Variants in SMYD3 observed in about 807,000 individuals in gnomAD.
SMYD3 encodes SET and MYND domain containing 3.
In SMYD3, 36 loss-of-function variants were observed where a neutral mutation model predicts 57.7. That is an observed-to-expected ratio of 0.62 (90% CI 0.48 to 0.82). The LOEUF is 0.82. SMYD3 is among the 40% of genes least tolerant of loss of function. The pLI, the probability that SMYD3 is intolerant of heterozygous loss-of-function variation, is 0.00. For synonymous variants in SMYD3, 211 were observed against 195.0 expected, an observed-to-expected ratio of 1.08 and a Z score of -0.68; for missense variants, 515 against 538.8, an observed-to-expected ratio of 0.96 and a Z score of 0.44.
intron 5 of SMYD3, among the ~76,000 whole-genome samples, chr1:246,043,411 A>G (rs2059911165): frequency 6.6e-6 from 1 of 152,222 alleles, no homozygotes; most frequent in Non-Finnish European, 1.5e-5. Context: ...AAAAAAGCAA[A>G]ATTAAGTCCT....
intron 10 of SMYD3, among the ~76,000 whole-genome samples, chr1:245,851,001 G>C (rs1028672935): frequency 1.3e-5 from 2 of 151,426 alleles, no homozygotes; most frequent in Non-Finnish European, 2.9e-5. Context: ...GGAAATCAGA[G>C]GCACTAGATT....
At chr1:246,014,060 C>G (rs2059332531) in intron 5 of SMYD3, among the ~76,000 whole-genome samples, 1 of 152,342 alleles carries the variant, frequency 6.6e-6, no homozygotes, top group Middle Eastern at 3.4e-3. Flanking sequence ...CGTGGTGGCT[C>G]ACGCCTGTAA....
At chr1:246,414,692 G>GA (rs1016864942) in intron 1 of SMYD3, among the ~76,000 whole-genome samples, 1 of 149,226 alleles carries the variant, frequency 6.7e-6, no homozygotes, top group African/African-American at 2.5e-5. Context: ...CCAGGAAACT[G>GA]AAGCCAGTTT....
At chr1:246,495,829 G>A (rs1316144539) in intron 1 of SMYD3, among the ~76,000 whole-genome samples, 1 of 151,810 alleles carries the variant, frequency 6.6e-6, no homozygotes, top group Non-Finnish European at 1.5e-5. Flanking sequence ...GCACGCATCT[G>A]TGGTCCCAGC....
intron 1 of SMYD3, among the ~76,000 whole-genome samples, chr1:246,496,074 G>GATA (rs1558491443): frequency 3.9e-5 from 6 of 151,910 alleles, no homozygotes; most frequent in African/African-American, 1.5e-4. Flanking sequence ...GTCTCACTCT[G>GATA]TCGCCAGGCT....
chr1:246,253,071 T>C (rs1376925337), intron 5 of SMYD3, among the ~76,000 whole-genome samples: 1 of 152,206 alleles, frequency 6.6e-6, no homozygotes, highest in East Asian at 1.9e-4. Context: ...TGAAAATATG[T>C]GCCTGAAACT....
At chr1:245,918,549 G>T (rs1291345286) in intron 7 of SMYD3, among the ~76,000 whole-genome samples, 1 of 152,144 alleles carries the variant, frequency 6.6e-6, no homozygotes, top group African/African-American at 2.4e-5. Flanking sequence ...CTGAAGCCAG[G>T]GTTGCCTCTG....
chr1:246,284,117 C>A (rs1256771960), intron 5 of SMYD3, among the ~76,000 whole-genome samples: 1 of 152,206 alleles, frequency 6.6e-6, no homozygotes, highest in Non-Finnish European at 1.5e-5. Flanking sequence ...ATATCAAAAG[C>A]ACCGGTGAGT....
intron 5 of SMYD3, among the ~76,000 whole-genome samples, chr1:246,178,162 G>A (rs1195434876): frequency 2.0e-5 from 3 of 152,116 alleles, no homozygotes; most frequent in Non-Finnish European, 4.4e-5. Context: ...CTTTCCCATA[G>A]GATCGCAACT....
intron 10 of SMYD3, among the ~76,000 whole-genome samples, chr1:245,785,325 C>A (rs1051249097): frequency 8.5e-5 from 13 of 152,114 alleles, no homozygotes; most frequent in African/African-American, 3.1e-4. Flanking sequence ...AAAAAATCCT[C>A]CACTAAAGTA....
At chr1:246,171,739 G>A (rs147342823) in intron 5 of SMYD3, among the ~76,000 whole-genome samples, 14 of 152,332 alleles carry the variant, frequency 9.2e-5, no homozygotes, top group African/African-American at 3.4e-4. Flanking sequence ...GGTTGGGCAT[G>A]GTGGCTCATG....
chr1:246,045,168 C>T (rs923813309), intron 5 of SMYD3, among the ~76,000 whole-genome samples: 11 of 152,136 alleles, frequency 7.2e-5, no homozygotes, highest in African/African-American at 2.2e-4. Context: ...GAGCCCGCAT[C>T]ACCAAGTCAA....
At chr1:246,444,939 G>C (rs1475248061) in intron 1 of SMYD3, among the ~76,000 whole-genome samples, 1 of 152,132 alleles carries the variant, frequency 6.6e-6, no homozygotes, top group South Asian at 2.1e-4. Flanking sequence ...AGAAAGTCTG[G>C]GGTTTGGATT....
intron 5 of SMYD3, among the ~76,000 whole-genome samples, chr1:245,965,405 T>A (rs2058114700): frequency 6.6e-6 from 1 of 152,204 alleles, no homozygotes; most frequent in African/African-American, 2.4e-5. Context: ...AAAAGAAGTA[T>A]AATTAATATG....
chr1:245,986,006 G>A (rs923216207), intron 5 of SMYD3, among the ~76,000 whole-genome samples: 33 of 152,054 alleles, frequency 2.2e-4, no homozygotes, highest in African/African-American at 7.7e-4. Context: ...CTACTAAAAA[G>A]TACTTTTATA....
intron 1 of SMYD3, among the ~76,000 whole-genome samples, chr1:246,466,142 G>A (rs1416146906): frequency 6.6e-6 from 1 of 152,138 alleles, no homozygotes; most frequent in Non-Finnish European, 1.5e-5. Context: ...ATTCCTCAAA[G>A]ACCTAAAAAC....
chr1:245,895,607 T>C (rs4654068), intron 8 of SMYD3, among the ~76,000 whole-genome samples: 15,817 of 152,310 alleles, frequency 0.1, 984 homozygotes, highest in South Asian at 0.26. Flanking sequence ...TTCATTTCCT[T>C]TGAATATAAC....
chr1:246,283,465 G>A (rs2064494517), intron 5 of SMYD3, among the ~76,000 whole-genome samples: 1 of 152,130 alleles, frequency 6.6e-6, no homozygotes, highest in South Asian at 2.1e-4. Context: ...AAATGTGTCA[G>A]ATGTGTCCAT....
Position 245,822,617 on chromosome 1 carries a change from C to T in SMYD3, c.1076+35879G>A, listed in dbSNP as rs146886150. The stretch of plus-strand genomic sequence containing the variant: ...TGCTGCCTCAGTCTGAGGAGCTCGG[C>T]TGTTTTACTGCTGACACCATCTTAT... On this transcript the variant is annotated intron_variant, in intron 10 of 11. Coordinates refer to ENST00000490107, the MANE Select transcript of SMYD3 (RefSeq NM_001167740.2). Among the ~76,000 whole-genome samples, 332 of 151,818 alleles carry T rather than the reference C, an allele frequency of 2.2e-3. 2 individuals carry two copies. Among genetic ancestry groups the T allele is most frequent in the South Asian group, 6.7e-3 (32 of 4,792 alleles).
Sources: gnomAD v4.1 joint callset for allele counts (sites outside exome capture counted in the v4.1 genomes callset) on GRCh38, gnomAD v4.1.1 for gene constraint, MANE v1.5 for transcripts, NCBI Gene and HGNC (gene_info 2026-07-23, HGNC 2026-07-21) for gene names.